The following RIGI variants were observed in gnomAD, a reference collection of about 807,000 sequenced individuals.
RIGI encodes antiviral innate immune response receptor RIG-I.
chr9:32,488,992 T>A, the RIGI span: 3 of 871,564 alleles, frequency 3.4e-6, no homozygotes, highest in Non-Finnish European at 4.9e-6. Context: ...GCTGACTAAT[T>A]AATTGATAAT....
the RIGI span, chr9:32,500,834 C>T: frequency 0.015 from 24,938 of 1,614,066 alleles, 224 homozygotes; most frequent in Non-Finnish European, 0.019. Flanking sequence ...CAAAAAGCCA[C>T]GGAACCAGCC....
chr9:32,501,325 CAAAA>C, the RIGI span, among the ~76,000 whole-genome samples: 47 of 121,850 alleles, frequency 3.9e-4, no homozygotes, highest in Non-Finnish European at 4.1e-4. Flanking sequence ...CCAGCCTCTA[CAAAA>C]AAAAAAAAAA....
At chr9:32,466,304 C>T in the RIGI span, 2 of 1,613,658 alleles carry the variant, frequency 1.2e-6, no homozygotes, top group Non-Finnish European at 1.7e-6. Flanking sequence ...TCCCTAAATA[C>T]TGCTTCGTCC....
the RIGI span, among the ~76,000 whole-genome samples, chr9:32,524,177 C>G: frequency 6.6e-6 from 1 of 152,184 alleles, no homozygotes; most frequent in African/African-American, 2.4e-5. Context: ...CATAGACACA[C>G]TAATCACTAT....
At chr9:32,518,176 CAG>C in the RIGI span, among the ~76,000 whole-genome samples, 1 of 151,936 alleles carries the variant, frequency 6.6e-6, no homozygotes, top group Non-Finnish European at 1.5e-5. Flanking sequence ...TTATCTAACT[CAG>C]AAGTTATCTA....
the RIGI span, among the ~76,000 whole-genome samples, chr9:32,524,484 G>A: frequency 6.6e-6 from 1 of 151,226 alleles, no homozygotes; most frequent in Admixed American, 6.6e-5. Context: ...ATTCAAGTTA[G>A]TTGCCGGTCT....
At chr9:32,470,320 C>T in the RIGI span, among the ~76,000 whole-genome samples, 6 of 152,188 alleles carry the variant, frequency 3.9e-5, no homozygotes, top group Admixed American at 2.6e-4. Flanking sequence ...TCCATAAGGG[C>T]TAGATGTATA....
the RIGI span, among the ~76,000 whole-genome samples, chr9:32,521,139 C>CAAAAAAAAA: frequency 3.0e-3 from 98 of 32,752 alleles, 13 homozygotes; most frequent in African/African-American, 7.1e-3. Flanking sequence ...GACACCATCT[C>CAAAAAAAAA]AAAAAAAAAA....
chr9:32,490,040 G>C, the RIGI span, among the ~76,000 whole-genome samples: 1 of 152,202 alleles, frequency 6.6e-6, no homozygotes, highest in Admixed American at 6.5e-5. Flanking sequence ...TTTAGAGAAA[G>C]GGAGAATTTC....
At chr9:32,517,309 C>G in the RIGI span, among the ~76,000 whole-genome samples, 1 of 152,178 alleles carries the variant, frequency 6.6e-6, no homozygotes, top group Non-Finnish European at 1.5e-5. Flanking sequence ...GTTGTAGATT[C>G]GTGAGTTTGT....
the RIGI span, among the ~76,000 whole-genome samples, chr9:32,463,046 G>A: frequency 2.0e-5 from 3 of 151,984 alleles, no homozygotes; most frequent in African/African-American, 4.8e-5. Context: ...AGTCCTAGCT[G>A]CTTGGGAGGC....
chr9:32,478,813 G>A, the RIGI span, among the ~76,000 whole-genome samples: 18 of 152,122 alleles, frequency 1.2e-4, no homozygotes, highest in African/African-American at 4.3e-4. Context: ...ACCCACCTCA[G>A]CCTCCCAAAG....
chr9:32,467,748 A>C, the RIGI span: 1 of 1,559,492 alleles, frequency 6.4e-7, no homozygotes, highest in Non-Finnish European at 8.7e-7. Context: ...GAATGGCCTC[A>C]AAGCTTCTCT....
At chr9:32,514,193 A>G in the RIGI span, among the ~76,000 whole-genome samples, 1 of 152,210 alleles carries the variant, frequency 6.6e-6, no homozygotes. Context: ...CTAGAACCAG[A>G]GATATCCTTT....
the RIGI span, chr9:32,492,531 GAGCAA>G: frequency 6.2e-7 from 1 of 1,614,072 alleles, no homozygotes; most frequent in East Asian, 2.2e-5. Flanking sequence ...CCCCTTAGTA[GAGCAA>G]ATCTAAGCAA....
At chr9:32,521,625 G>A in the RIGI span, among the ~76,000 whole-genome samples, 1 of 152,070 alleles carries the variant, frequency 6.6e-6, no homozygotes, top group African/African-American at 2.4e-5. Context: ...TAGCTTCCTT[G>A]AATTCCAATA....
the RIGI span, among the ~76,000 whole-genome samples, chr9:32,521,909 A>G: frequency 6.6e-6 from 1 of 152,118 alleles, no homozygotes; most frequent in Admixed American, 6.6e-5. Context: ...TGTCATTGCA[A>G]TTGTTGTTTT....
At chr9:32,523,935 C>T in the RIGI span, among the ~76,000 whole-genome samples, 1 of 151,964 alleles carries the variant, frequency 6.6e-6, no homozygotes, top group Admixed American at 6.6e-5. Flanking sequence ...TTTCTGGATA[C>T]CTGGAACACT....
the RIGI span, among the ~76,000 whole-genome samples, chr9:32,479,387 G>T: frequency 0.16 from 24,065 of 152,076 alleles, 2,056 homozygotes; most frequent in Middle Eastern, 0.3. Flanking sequence ...TACTTAGGTA[G>T]AGGCCAAAAA....
Sources: allele counts gnomAD v4.1 joint callset (sites outside exome capture counted in the v4.1 genomes callset), GRCh38; gene constraint gnomAD v4.1.1; transcripts MANE v1.5; gene names NCBI Gene and HGNC (gene_info 2026-07-23, HGNC 2026-07-21).